Variants in FHL1 observed in about 807,000 individuals in gnomAD.
The protein encoded by FHL1 is four and a half LIM domains 1.
A neutral mutation model predicts 20.3 loss-of-function variants in FHL1; 1 was observed. The observed-to-expected ratio is 0.05, with a 90% CI of 0.02 to 0.23. The LOEUF is 0.23. Ranked by LOEUF, FHL1 falls within the 10% of genes least tolerant of loss-of-function variation. FHL1 has a pLI of 1.00. For synonymous variants in FHL1, 82 were observed against 88.9 expected (o/e 0.92, Z 0.44); for missense variants, 177 against 234.0 (o/e 0.76, Z 1.59).
upstream of FHL1, chrX:136,146,730 C>T (rs1310670196): frequency 2.5e-5 from 8 of 325,453 alleles, no homozygotes; most frequent in Non-Finnish European, 4.8e-5. Flanking sequence ...TCACCAGAGC[C>T]CGGCACTGAG....
At chrX:136,160,080 T>C (rs1311097534) in intron 1 of FHL1, among the ~76,000 whole-genome samples, 1 of 112,174 alleles carries the variant, frequency 8.9e-6, no homozygotes, top group African/African-American at 3.2e-5. Flanking sequence ...GTAAATAGTT[T>C]CTTTATATTG....
At chrX:136,168,115 A>G (rs1217747874), upstream of FHL1, 2 of 112,174 alleles carry the variant, frequency 1.8e-5, no homozygotes, top group Non-Finnish European at 3.8e-5. Context: ...GTACGTCCTT[A>G]CCTCTATGAG....
chrX:136,160,606 G>A (rs2072539281), intron 1 of FHL1, among the ~76,000 whole-genome samples: 2 of 111,459 alleles, frequency 1.8e-5, no homozygotes, highest in Non-Finnish European at 3.8e-5. Context: ...TTTTAGTTTC[G>A]TAGAGGCAGG....
upstream of FHL1, chrX:136,167,248 CA>C (rs1272034156): frequency 8.9e-6 from 1 of 111,809 alleles, no homozygotes; most frequent in Non-Finnish European, 1.9e-5. Context: ...CTCTGTCGCT[CA>C]GGCTGGAGTG....
upstream of FHL1, among the ~76,000 whole-genome samples, chrX:136,194,962 T>G (rs2073520514): frequency 9.0e-6 from 1 of 111,561 alleles, no homozygotes; most frequent in African/African-American, 3.3e-5. Flanking sequence ...TTGATGCAAA[T>G]GGAAGTAACT....
intron 2 of FHL1, among the ~76,000 whole-genome samples, chrX:136,185,072 A>C (rs2073253835): frequency 8.9e-6 from 1 of 112,534 alleles, no homozygotes; most frequent in Admixed American, 9.4e-5. Context: ...TTGAAAGCTT[A>C]AAATCAATTT....
intron 1 of FHL1, chrX:136,148,832 T>A (rs767938564): frequency 7.1e-5 from 8 of 112,698 alleles, no homozygotes; most frequent in African/African-American, 9.7e-5. Context: ...ATGCCAGGTT[T>A]GGATTTTGAA....
intron 2 of FHL1, among the ~76,000 whole-genome samples, chrX:136,177,048 A>ACACACACACAC (rs1569529019): frequency 5.4e-5 from 6 of 110,358 alleles, no homozygotes; most frequent in Admixed American, 2.9e-4. Context: ...ACACACACAT[A>ACACACACACAC]ATGTCTCAAG....
upstream of FHL1, among the ~76,000 whole-genome samples, chrX:136,196,232 T>A (rs2073552399): frequency 9.0e-6 from 1 of 111,096 alleles, no homozygotes; most frequent in Non-Finnish European, 1.9e-5. Flanking sequence ...AGAGAAGGAA[T>A]GTGGAAGAAG....
chrX:136,148,489 AG>A (rs1165394180), intron 1 of FHL1: 1 of 109,886 alleles, frequency 9.1e-6, no homozygotes, highest in East Asian at 2.9e-4. Flanking sequence ...GAGCCTTAGA[AG>A]GTGGGTTTTC....
chrX:136,147,943 T>G (rs1603237265), intron 1 of FHL1: 1 of 50,927 alleles, frequency 2.0e-5, no homozygotes, highest in Non-Finnish European at 3.5e-5. Context: ...GGGGTGGAGG[T>G]GGGGGGGATC....
intron 1 of FHL1, among the ~76,000 whole-genome samples, chrX:136,157,690 T>A (rs2072459151): frequency 9.0e-6 from 1 of 111,043 alleles, no homozygotes; most frequent in African/African-American, 3.3e-5. Flanking sequence ...CTTTCAAAAC[T>A]CAGATTTGAA....
chrX:136,188,477 A>T (rs2073361247), intron 2 of FHL1, among the ~76,000 whole-genome samples: 1 of 111,082 alleles, frequency 9.0e-6, no homozygotes, highest in Non-Finnish European at 1.9e-5. Flanking sequence ...GGAGCCTATT[A>T]TGATAGGAGG....
chrX:136,161,473 G>A (rs1293853911), intron 1 of FHL1, among the ~76,000 whole-genome samples: 3 of 111,880 alleles, frequency 2.7e-5, no homozygotes, highest in East Asian at 2.8e-4. Flanking sequence ...TTTTGTAAAC[G>A]TTTTCTGACA....
At chrX:136,170,579 C>T (rs1244620461) in intron 2 of FHL1, among the ~76,000 whole-genome samples, 1 of 111,509 alleles carries the variant, frequency 9.0e-6, no homozygotes, top group Non-Finnish European at 1.9e-5. Flanking sequence ...GTTCTCTGTC[C>T]TCTTCATTTA....
chrX:136,205,630 C>A (rs1318868288), intron 1 of FHL1, among the ~76,000 whole-genome samples: 1 of 112,199 alleles, frequency 8.9e-6, no homozygotes, highest in Non-Finnish European at 1.9e-5. Flanking sequence ...TCTTTAGGAT[C>A]TATTCAGGGA....
chrX:136,167,176 G>A (rs1450424147), upstream of FHL1: 2 of 112,026 alleles, frequency 1.8e-5, no homozygotes, highest in Non-Finnish European at 3.8e-5. Context: ...ACCATGCTAA[G>A]TACTGGGAGA....
rs2073950289 is a variant in FHL1, at chrX:136,209,588, G to A, written c.737-283G>A. 3.9e-5 allele frequency: 24 copies of A among 622,809 alleles called. No homozygotes were observed. The East Asian group carries it at 7.1e-4, about 18-fold the overall frequency. The allele number at this position is 622,809 out of a possible 1,213,427, so 51.3% of individuals were successfully genotyped here. A position where few individuals can be genotyped will look rare whatever the true frequency, so the allele number is the denominator to read the frequency against. Reference sequence around the variant, plus strand: ...TAGCGTGGTGGCATGGGAACGTGGGGTCTTTACATCAGGGAAGCCCTTGGC... The same window carrying A: ...TAGCGTGGTGGCATGGGAACGTGGGATCTTTACATCAGGGAAGCCCTTGGC... On this transcript the variant is annotated intron_variant, in intron 5 of 5. Transcript: ENST00000370683.
upstream of FHL1, chrX:136,196,669 T>A: frequency 2.1e-6 from 1 of 479,908 alleles, no homozygotes; most frequent in East Asian, 3.7e-5. Context: ...GAGTTACTTT[T>A]ATCATTAACA....
Sources: allele counts gnomAD v4.1 joint callset (sites outside exome capture counted in the v4.1 genomes callset), GRCh38; gene constraint gnomAD v4.1.1; transcripts MANE v1.5; gene names NCBI Gene and HGNC (gene_info 2026-07-23, HGNC 2026-07-21).